Variants in LMX1B observed in about 807,000 individuals in gnomAD.
LMX1B encodes the protein LIM homeobox transcription factor 1 beta, also known as LIM homeobox transcription factor 1-beta.
In LMX1B, 12 loss-of-function variants were observed where a neutral mutation model predicts 51.4. The ratio of observed to expected loss-of-function variants is 0.23; its 90% CI spans 0.15 to 0.38. The LOEUF (loss-of-function observed/expected upper bound fraction) is 0.38, where lower values mean the gene tolerates loss of function less well. Among genes scored for constraint, LMX1B ranks in the 10% least tolerant of loss-of-function variants. LMX1B has a pLI of 1.00. For synonymous variants in LMX1B, 237 were observed against 235.4 expected (o/e 1.01, Z -0.06); for missense variants, 445 against 571.1 (o/e 0.78, Z 2.25).
intron 2 of LMX1B, among the ~76,000 whole-genome samples, chr9:126,681,987 G>T (rs1836683428): frequency 7.1e-6 from 1 of 141,760 alleles, no homozygotes; most frequent in Admixed American, 7.2e-5. Flanking sequence ...CATGTGATCT[G>T]TCCCCTTTGC....
intron 2 of LMX1B, among the ~76,000 whole-genome samples, chr9:126,653,670 A>G (rs1294050360): frequency 6.6e-6 from 1 of 152,072 alleles, no homozygotes; most frequent in Non-Finnish European, 1.5e-5. Context: ...GTGCCAATTT[A>G]TCACATGCGA....
intron 2 of LMX1B, among the ~76,000 whole-genome samples, chr9:126,652,855 A>G (rs531045169): frequency 6.6e-6 from 1 of 152,318 alleles, no homozygotes; most frequent in South Asian, 2.1e-4. Flanking sequence ...ACAATGGGGA[A>G]GAGGCTCCAT....
chr9:126,670,549 T>C (rs1836430483), intron 2 of LMX1B, among the ~76,000 whole-genome samples: 1 of 152,072 alleles, frequency 6.6e-6, no homozygotes, highest in Non-Finnish European at 1.5e-5. Context: ...TAGGTGTGAG[T>C]AGGTTGACAC....
Position 126,615,947 on chromosome 9 carries a change from C to T in LMX1B, c.326+378C>T, listed in dbSNP as rs147455694. Among the ~76,000 whole-genome samples the T allele has an allele frequency of 0.011, 1,700 of 152,322 alleles. 13 individuals are homozygous for T. Among genetic ancestry groups the T allele is most frequent in the Non-Finnish European group, 0.015 (1,020 of 68,024 alleles). On this transcript the variant is annotated intron_variant, in intron 2 of 7. Transcript: ENST00000373474. This position sits in a 1 kb window ranked among gnomAD's most constrained non-coding sequence, Gnocchi z 6.0. ...TTAGGGAGCCAGGCCTGGCGGACTG[C>T]TTCAAGGGCCTGGTGTGTGGGGGTT...
In LMX1B at chr9:126,615,335, C is replaced by T. The variant is rs781509170; in HGVS notation, c.140-48C>T. ...GCCCGGTGCGACCGGGACGCCGGGGCTGGGCCGGGCGGCGCTGACGGCCGG... is the reference window on the plus strand; with the variant it reads ...GCCCGGTGCGACCGGGACGCCGGGGTTGGGCCGGGCGGCGCTGACGGCCGG... On this transcript the variant is annotated intron_variant, in intron 1 of 7. Coordinates refer to ENST00000373474, the MANE Select transcript of LMX1B (RefSeq NM_001174147.2). The surrounding 1 kb of genome is among the most constrained non-coding windows in gnomAD (Gnocchi z 6.0). The T allele has an allele frequency of 6.9e-7, 1 of 1,440,506 alleles. No homozygotes were observed. Among genetic ancestry groups the T allele is most frequent in the Non-Finnish European group, 9.1e-7 (1 of 1,094,142 alleles). 89.2% of individuals were successfully genotyped at this position (1,440,506 alleles called of 1,614,324 possible). A position where few individuals can be genotyped will look rare whatever the true frequency, so the allele number is the denominator to read the frequency against.
intron 2 of LMX1B, among the ~76,000 whole-genome samples, chr9:126,624,767 AAGAC>A (rs1407234503): frequency 6.6e-6 from 1 of 151,804 alleles, no homozygotes; most frequent in Non-Finnish European, 1.5e-5. Context: ...ATTTCGAACA[AAGAC>A]AGTTTAGGGG....
Position 126,673,777 on chromosome 9 carries a change from T to C in LMX1B, c.327-17059T>C, listed in dbSNP as rs528844157. Among the ~76,000 whole-genome samples, 1 of 149,298 alleles carries C rather than the reference T, an allele frequency of 6.7e-6. No homozygotes were observed. Among genetic ancestry groups the C allele is most frequent in the East Asian group, 2.0e-4 (1 of 4,996 alleles). Reference sequence around the variant, plus strand: ...ATTTAGGAATCTGCTTGTGCAGGGGTGGTGGGAGGGGCCGGGGTGGAGGGC... The same window carrying C: ...ATTTAGGAATCTGCTTGTGCAGGGGCGGTGGGAGGGGCCGGGGTGGAGGGC... On this transcript the variant is annotated intron_variant, in intron 2 of 7. Coordinates refer to ENST00000373474, the MANE Select transcript of LMX1B (RefSeq NM_001174147.2). The surrounding 1 kb of genome is among the most constrained non-coding windows in gnomAD (Gnocchi z 4.4).
chr9:126,666,656 G>A (rs899966066), intron 2 of LMX1B, among the ~76,000 whole-genome samples: 32 of 152,200 alleles, frequency 2.1e-4, no homozygotes, highest in African/African-American at 7.2e-4. Context: ...TGTGCTGTAC[G>A]CTGATAACAC....
chr9:126,670,994 C>T (rs2118944699), intron 2 of LMX1B, among the ~76,000 whole-genome samples: 1 of 152,280 alleles, frequency 6.6e-6, no homozygotes, highest in East Asian at 1.9e-4. Context: ...CGCTAGCTGC[C>T]ACCACTGTGG....
chr9:126,683,267 G>A (rs866709864), intron 2 of LMX1B, among the ~76,000 whole-genome samples: 79 of 151,408 alleles, frequency 5.2e-4, no homozygotes, highest in African/African-American at 1.2e-3. Context: ...TGATTGACGC[G>A]CGTACCGGGG....
chr9:126,688,769 T>C (rs1158359546), intron 2 of LMX1B, among the ~76,000 whole-genome samples: 1 of 151,872 alleles, frequency 6.6e-6, no homozygotes, highest in Non-Finnish European at 1.5e-5. Context: ...GCTGGTGGGG[T>C]CCAGCATGCC....
At chr9:126,623,242 G>C (rs923224035) in intron 2 of LMX1B, among the ~76,000 whole-genome samples, 2 of 152,184 alleles carry the variant, frequency 1.3e-5, no homozygotes, top group African/African-American at 4.8e-5. Context: ...GGATGCCAGA[G>C]GCTGCTCCTC....
rs1216757583 is a variant in LMX1B, at chr9:126,676,043, C to T, written c.327-14793C>T. ...CAGCCTGGGCGACAGAGCGAGACTCCGTCTCAAAAAAAAAAAAAAAAAATG... is the reference window on the plus strand; with the variant it reads ...CAGCCTGGGCGACAGAGCGAGACTCTGTCTCAAAAAAAAAAAAAAAAAATG... On this transcript the variant is annotated intron_variant, in intron 2 of 7. Transcript: ENST00000373474. Among the ~76,000 whole-genome samples, 5 of 138,412 alleles carry T rather than the reference C, an allele frequency of 3.6e-5. No homozygotes were observed. The South Asian group carries it at 6.7e-4, about 18-fold the overall frequency. 90.8% of individuals were successfully genotyped at this position (138,412 alleles called of 152,430 possible). A position where few individuals can be genotyped will look rare whatever the true frequency, so the allele number is the denominator to read the frequency against.
chr9:126,616,913 G>A (rs921097892), intron 2 of LMX1B, among the ~76,000 whole-genome samples: 19 of 152,204 alleles, frequency 1.2e-4, no homozygotes, highest in African/African-American at 4.3e-4. Context: ...TCTTTCTTCC[G>A]GCTGAGGGAT....
chr9:126,645,021 CTCCCCTG>C (rs1835874617), intron 2 of LMX1B, among the ~76,000 whole-genome samples: 1 of 152,208 alleles, frequency 6.6e-6, no homozygotes, highest in African/African-American at 2.4e-5. Flanking sequence ...AGACACTCGG[CTCCCCTG>C]TCCCACCTGG....
At chr9:126,650,375 C>A (rs1489204470) in intron 2 of LMX1B, among the ~76,000 whole-genome samples, 1 of 152,174 alleles carries the variant, frequency 6.6e-6, no homozygotes, top group African/African-American at 2.4e-5. Flanking sequence ...CAGCTCTGAC[C>A]GGTCAGCTGA....
At chr9:126,693,389 A>G in intron 4 of LMX1B, 66 bp downstream of exon 4, 1 of 1,555,892 alleles carries the variant, frequency 6.4e-7, no homozygotes, top group South Asian at 1.1e-5. Context: ...TCTGGAGACC[A>G]CCCCCTGCTC....
rs751803078 is a variant in LMX1B at position 126,658,295 on chromosome 9, G to A, written c.327-32541G>A. On this transcript the variant is annotated intron_variant, in intron 2 of 7. Transcript: ENST00000373474. The surrounding 1 kb of genome is among the most constrained non-coding windows in gnomAD (Gnocchi z 4.0). ...AGGGAGTCAAGCCTCTAAAATGAGG[G>A]AGGGACTTACTAGCTCTGGATCCCT... Among the ~76,000 whole-genome samples the A allele has an allele frequency of 2.0e-5, 3 of 152,078 alleles. No homozygotes were observed. Among genetic ancestry groups the A allele is most frequent in the Admixed American group, 2.0e-4 (3 of 15,268 alleles).
Position 126,674,972 on chromosome 9 carries a change from C to G in LMX1B, c.327-15864C>G, listed in dbSNP as rs145916913. 3.2e-3 allele frequency among the ~76,000 whole-genome samples: 490 copies of G among 152,242 alleles called. 1 individual carries two copies. Among genetic ancestry groups the G allele is most frequent in the African/African-American group, 0.011 (470 of 41,522 alleles). ...AAATCCTTTAAATGGCCCACAAGAC[C>G]GTCAACAGGGCATGGGTTAAATAAG... On this transcript the variant is annotated intron_variant, in intron 2 of 7. Transcript: ENST00000373474.
Sources: allele counts gnomAD v4.1 joint callset (sites outside exome capture counted in the v4.1 genomes callset), GRCh38; gene constraint gnomAD v4.1.1; non-coding constraint Gnocchi (gnomAD v3.1); transcripts MANE v1.5; gene names NCBI Gene and HGNC (gene_info 2026-07-23, HGNC 2026-07-21).